The following FRMD6 variants were observed in gnomAD, a reference collection of about 807,000 sequenced individuals.
FRMD6 encodes the protein FERM domain containing 6, also known as FERM domain-containing protein 6.
FRMD6 carries 37 observed loss-of-function variants against 73.2 expected under a neutral mutation model. That is an observed-to-expected ratio of 0.51 (90% confidence interval 0.39 to 0.66). The LOEUF (loss-of-function observed/expected upper bound fraction) is 0.66. FRMD6 is among the 30% of genes least tolerant of loss of function. The probability of loss-of-function intolerance (pLI) is 0.00; values close to 1 mark genes in which losing one functional copy is unlikely to be tolerated. For synonymous variants in FRMD6, 273 were observed against 282.2 expected (o/e 0.97, Z 0.33); for missense variants, 714 against 780.5 (o/e 0.91, Z 1.02).
chr14:51,582,706 G>T (rs1888794732), intron 2 of FRMD6, among the ~76,000 whole-genome samples: 1 of 152,176 alleles, frequency 6.6e-6, no homozygotes, highest in Non-Finnish European at 1.5e-5. Flanking sequence ...TGTCCAACTT[G>T]GCATTGGCAG....
intron 2 of FRMD6, among the ~76,000 whole-genome samples, chr14:51,644,353 TCA>T (rs375341468): frequency 0.24 from 34,189 of 141,872 alleles, 4,449 homozygotes; most frequent in Non-Finnish European, 0.31. Context: ...GCCTCACCCT[TCA>T]CACACACACA....
intron 8 of FRMD6, 94 bp downstream of exon 8, chr14:51,711,690 T>G: frequency 1.2e-6 from 1 of 869,370 alleles, no homozygotes; most frequent in Non-Finnish European, 1.9e-6. Flanking sequence ...TAGTTCATTT[T>G]TGGCCACTGG....
chr14:51,455,304 G>A, the FRMD6 span, among the ~76,000 whole-genome samples: 2 of 152,202 alleles, frequency 1.3e-5, no homozygotes, highest in African/African-American at 2.4e-5. Flanking sequence ...CACAGTTTGA[G>A]CAATACTGTT....
intron 2 of FRMD6, chr14:51,643,390 C>T (rs1200103922): frequency 6.6e-6 from 1 of 152,210 alleles, no homozygotes. Context: ...ATGAGTGTTT[C>T]ACTGACCAAA....
Position 51,540,495 on chromosome 14 carries a change from G to A in FRMD6, c.-209-29853G>A, listed in dbSNP as rs1045731033. On this transcript the variant is annotated intron_variant, in intron 1 of 14. Transcript: ENST00000356218. ...TAGGGGCCGTGCTGTTTTGTCTTTG[G>A]GTCTTCATTGGCTACCACAATGCCT... is the stretch of plus-strand genomic sequence containing the variant. Among the ~76,000 whole-genome samples, 3 of 152,006 alleles carry A rather than the reference G, an allele frequency of 2.0e-5. 1 individual carries two copies. The highest frequency in any genetic ancestry group is 4.4e-5 in the Non-Finnish European group (3 of 67,984).
chr14:51,708,386 G>A (rs61969853), intron 7 of FRMD6, 153 bp downstream of exon 7: 150 of 735,860 alleles, frequency 2.0e-4, no homozygotes, highest in Non-Finnish European at 3.0e-4. Flanking sequence ...TTTTGTTATC[G>A]CACGTCAGTC....
intron 1 of FRMD6, among the ~76,000 whole-genome samples, chr14:51,515,006 C>A (rs1171171478): frequency 3.3e-5 from 5 of 152,104 alleles, no homozygotes; most frequent in Non-Finnish European, 5.9e-5. Context: ...CACATACATC[C>A]CAAGTCCCTA....
chr14:51,544,761 G>A (rs1886378727), intron 1 of FRMD6, among the ~76,000 whole-genome samples: 1 of 151,454 alleles, frequency 6.6e-6, no homozygotes, highest in Non-Finnish European at 1.5e-5. Flanking sequence ...TCCTCTACTT[G>A]CGAGCCAAGA....
At chr14:51,690,375 G>T (rs1895466330) in intron 2 of FRMD6, among the ~76,000 whole-genome samples, 1 of 151,800 alleles carries the variant, frequency 6.6e-6, no homozygotes, top group South Asian at 2.1e-4. Flanking sequence ...AACCTAGATA[G>T]TTTTTTTTGT....
chr14:51,531,979 A>G (rs944014099), intron 1 of FRMD6, among the ~76,000 whole-genome samples: 1 of 152,202 alleles, frequency 6.6e-6, no homozygotes, highest in African/African-American at 2.4e-5. Flanking sequence ...ATAAACATAT[A>G]CTTCTTTTCC....
intron 1 of FRMD6, among the ~76,000 whole-genome samples, chr14:51,660,134 A>C (rs1285622484): frequency 2.0e-5 from 3 of 152,206 alleles, no homozygotes; most frequent in Non-Finnish European, 4.4e-5. Flanking sequence ...TAAACTTAGC[A>C]CTTTAAAAAT....
At chr14:51,509,761 G>A (rs1473853471) in intron 1 of FRMD6, among the ~76,000 whole-genome samples, 2 of 151,832 alleles carry the variant, frequency 1.3e-5, no homozygotes, top group African/African-American at 4.8e-5. Context: ...TGGGTAGCTG[G>A]GATTACAGGC....
chr14:51,543,163 G>A (rs1465558868), intron 1 of FRMD6, among the ~76,000 whole-genome samples: 3 of 151,886 alleles, frequency 2.0e-5, no homozygotes, highest in Non-Finnish European at 4.4e-5. Context: ...TTATGACCAT[G>A]ATTATAGCAG....
At chr14:51,454,843 C>A in the FRMD6 span, 1 of 151,980 alleles carries the variant, frequency 6.6e-6, no homozygotes, top group Non-Finnish European at 1.5e-5. Context: ...AATGAATGCA[C>A]TGAATGAGGA....
intron 1 of FRMD6, among the ~76,000 whole-genome samples, chr14:51,525,073 A>AGATAGAT (rs200000521): frequency 0.29 from 23,894 of 83,314 alleles, 2,749 homozygotes; most frequent in African/African-American, 0.37. Context: ...CAAATAGAAT[A>AGATAGAT]GATAGATAGA....
intron 1 of FRMD6, among the ~76,000 whole-genome samples, chr14:51,549,804 C>T (rs895489099): frequency 6.6e-6 from 1 of 151,842 alleles, no homozygotes; most frequent in Admixed American, 6.6e-5. Flanking sequence ...ACCGTGTTAG[C>T]CAGGATGATC....
intron 1 of FRMD6, among the ~76,000 whole-genome samples, chr14:51,544,236 C>T (rs1886346348): frequency 6.6e-6 from 1 of 151,836 alleles, no homozygotes; most frequent in South Asian, 2.1e-4. Context: ...GTTAATAATA[C>T]TTTATTAATG....
At chr14:51,604,024 T>C (rs1168224152) in intron 2 of FRMD6, among the ~76,000 whole-genome samples, 1 of 150,176 alleles carries the variant, frequency 6.7e-6, no homozygotes, top group African/African-American at 2.5e-5. Context: ...ATCAGAGCAG[T>C]GAGGAGACAG....
At chr14:51,483,407 G>A in the FRMD6 span, among the ~76,000 whole-genome samples, 1 of 152,206 alleles carries the variant, frequency 6.6e-6, no homozygotes, top group Admixed American at 6.5e-5. Flanking sequence ...GTTCAAAAAT[G>A]AATGGGGGAT....
Sources: gnomAD v4.1 joint callset for allele counts (sites outside exome capture counted in the v4.1 genomes callset) on GRCh38, gnomAD v4.1.1 for gene constraint, MANE v1.5 for transcripts, NCBI Gene and HGNC (gene_info 2026-07-23, HGNC 2026-07-21) for gene names.